OTOGL: variants seen among roughly 807,000 people sequenced by gnomAD.
OTOGL encodes the protein otogelin like, also known as otogelin-like protein.
OTOGL carries 285 observed loss-of-function variants against 318.5 expected under a neutral mutation model. The ratio of observed to expected loss-of-function variants is 0.89; its 90% confidence interval spans 0.81 to 0.99. OTOGL has a LOEUF of 0.99. OTOGL is among the 50% of genes least tolerant of loss of function. The probability of loss-of-function intolerance (pLI) is 0.00; values close to 1 mark genes in which losing one functional copy is unlikely to be tolerated. For synonymous variants in OTOGL, 987 were observed against 936.5 expected (o/e 1.05, Z -0.99); for missense variants, 2,899 against 2,845.6 (o/e 1.02, Z -0.43).
In OTOGL at chr12:80,358,867, CTG is replaced by C. The variant is rs1890073386; in HGVS notation, c.6237_6238del (p.Cys2079Ter). The C allele has an allele frequency of 2.0e-6, 3 of 1,517,384 alleles. No individual in the cohort carries two copies. Among genetic ancestry groups the C allele is most frequent in the Non-Finnish European group, 2.7e-6 (3 of 1,127,574 alleles). 94.0% of individuals were successfully genotyped at this position (1,517,384 alleles called of 1,614,324 possible). Reference protein sequence around the residue: ...CCPTWHCECNCENLIMPTCEV... With the variant: ...CCPTWHCECNXENLIMPTCEV... Reference sequence around the variant, plus strand: ...TTGATTTTTGCCTTTTAGAATGTAACTGTGAAAACCTTATTATGCCAACTTGT... The same window carrying C: ...TTGATTTTTGCCTTTTAGAATGTAACTGAAAACCTTATTATGCCAACTTGT... On this transcript the variant is annotated frameshift_variant, in exon 52 of 59. Transcript: ENST00000547103. LOFTEE classifies it high-confidence loss of function.
chr12:80,292,138 G>A (rs192762176), intron 26 of OTOGL, among the ~76,000 whole-genome samples: 12 of 152,056 alleles, frequency 7.9e-5, no homozygotes, highest in African/African-American at 2.4e-4. Context: ...ACAGGCATGC[G>A]CCACCACACC....
intron 1 of OTOGL, among the ~76,000 whole-genome samples, chr12:80,189,137 C>T (rs1875505463): frequency 6.6e-6 from 1 of 152,168 alleles, no homozygotes; most frequent in South Asian, 2.1e-4. Context: ...GTTAATGTAT[C>T]ATAAATAGAT....
At chr12:80,361,908 T>C (rs1007011882) in intron 52 of OTOGL, among the ~76,000 whole-genome samples, 41 of 152,194 alleles carry the variant, frequency 2.7e-4, no homozygotes, top group African/African-American at 9.6e-4. Context: ...AGTTTTCAAA[T>C]ATATTCTCTC....
intron 1 of OTOGL, among the ~76,000 whole-genome samples, chr12:80,159,159 T>A (rs1182135354): frequency 6.6e-6 from 1 of 152,048 alleles, no homozygotes; most frequent in East Asian, 1.9e-4. Context: ...TGTTAAACCA[T>A]CCCTGCAACC....
At chr12:80,347,140 C>CT (rs200979344) in intron 44 of OTOGL, among the ~76,000 whole-genome samples, 136 of 149,706 alleles carry the variant, frequency 9.1e-4, no homozygotes, top group South Asian at 8.7e-3. Context: ...TGACTTACAT[C>CT]TTTTTTTTTT....
intron 1 of OTOGL, among the ~76,000 whole-genome samples, chr12:80,149,942 C>G (rs991391230): frequency 2.6e-5 from 4 of 152,144 alleles, no homozygotes; most frequent in Non-Finnish European, 5.9e-5. Context: ...CACTGACCTG[C>G]GCCCACTGTC....
intron 1 of OTOGL, among the ~76,000 whole-genome samples, chr12:80,158,245 A>G (rs1417344899): frequency 1.3e-5 from 2 of 152,128 alleles, no homozygotes; most frequent in Non-Finnish European, 1.5e-5. Flanking sequence ...TAACATTTAT[A>G]TACCTTATTC....
chr12:80,173,897 G>A lies in OTOGL; in HGVS notation c.-19-35516G>A, dbSNP rs143187374. Among the ~76,000 whole-genome samples, 361 of 152,270 alleles carry A rather than the reference G, an allele frequency of 2.4e-3. 1 individual carries two copies. Among genetic ancestry groups the A allele is most frequent in the African/African-American group, 8.1e-3 (337 of 41,538 alleles). On this transcript the variant is annotated intron_variant, in intron 1 of 58. Coordinates refer to ENST00000547103, the MANE Select transcript of OTOGL (RefSeq NM_001378609.3). ...GTAAAGAGGAGCTCAGTCAGAAAGC[G>A]TCAGTATGCTGAGGGCCATTTATAA...
chr12:80,319,780 G>A (rs1887206164), intron 33 of OTOGL, among the ~76,000 whole-genome samples: 1 of 151,994 alleles, frequency 6.6e-6, no homozygotes, highest in Non-Finnish European at 1.5e-5. Context: ...ACAAATATAA[G>A]GTAAATGTTA....
chr12:80,124,536 T>C (rs376451781), intron 1 of OTOGL, among the ~76,000 whole-genome samples: 4 of 152,030 alleles, frequency 2.6e-5, no homozygotes, highest in East Asian at 1.9e-4. Context: ...TTTTTGGTTC[T>C]ATATGAACTT....
chr12:80,264,267 A>G (rs191603738), intron 19 of OTOGL, among the ~76,000 whole-genome samples: 12 of 152,272 alleles, frequency 7.9e-5, no homozygotes, highest in Admixed American at 7.8e-4. Context: ...TCTATAAAGA[A>G]TTATATCTGA....
intron 11 of OTOGL, among the ~76,000 whole-genome samples, chr12:80,249,859 G>C (rs186370093): frequency 6.6e-6 from 1 of 152,160 alleles, no homozygotes; most frequent in African/African-American, 2.4e-5. Flanking sequence ...GTGGGATATA[G>C]TCTCGTGGTG....
At position 80,279,090 on chromosome 12, in the gene OTOGL, AC is replaced by A. The variant is rs774341760; in HGVS notation, c.2853del (p.Tyr951Ter). The A allele has an allele frequency of 6.3e-7, 1 of 1,594,406 alleles. No homozygotes were observed. The highest frequency in any genetic ancestry group is 1.1e-5 in the South Asian group (1 of 90,916). ...YYPCPAVCTI[Y>X]GDRHYYSFDG... ...CCATGCCCAGCAGTGTGCACAATAT[AC>A]GGGGACCGACATTATTATTCTTTTG... is the stretch of plus-strand genomic sequence containing the variant. On this transcript the variant is annotated frameshift_variant, in exon 26 of 59. Coordinates refer to ENST00000547103, the MANE Select transcript of OTOGL (RefSeq NM_001378609.3). LOFTEE classifies it high-confidence loss of function.
chr12:80,119,133 C>T (rs1437603246), intron 1 of OTOGL, among the ~76,000 whole-genome samples: 1 of 152,118 alleles, frequency 6.6e-6, no homozygotes, highest in East Asian at 1.9e-4. Context: ...GACCTTTTGA[C>T]CCAGCTGACA....
chr12:80,189,327 T>C (rs912610022), intron 1 of OTOGL: 1 of 585,972 alleles, frequency 1.7e-6, no homozygotes, highest in South Asian at 7.6e-5. Flanking sequence ...TTTAACTTAA[T>C]GTTTATTTTC....
intron 1 of OTOGL, among the ~76,000 whole-genome samples, chr12:80,202,412 A>T (rs1339870248): frequency 6.6e-6 from 1 of 151,916 alleles, no homozygotes; most frequent in African/African-American, 2.4e-5. Context: ...CTGGGATTAC[A>T]GGCACTCGAC....
At chr12:80,179,121 A>G (rs1874739117) in intron 1 of OTOGL, among the ~76,000 whole-genome samples, 2 of 152,186 alleles carry the variant, frequency 1.3e-5, no homozygotes, top group Admixed American at 6.5e-5. Flanking sequence ...GCTGGGGTAA[A>G]GTGACATCTC....
intron 5 of OTOGL, 136 bp from the exon 6 acceptor site, chr12:80,219,678 C>G: frequency 3.0e-6 from 2 of 672,682 alleles, no homozygotes; most frequent in South Asian, 3.4e-5. Context: ...AGTTCTTTAG[C>G]TTAGCAAGGC....
chr12:80,221,632 C>CT (rs1438901085), intron 6 of OTOGL, among the ~76,000 whole-genome samples: 1 of 151,546 alleles, frequency 6.6e-6, no homozygotes, highest in East Asian at 1.9e-4. Context: ...GTAAATATGA[C>CT]TTTTTTTGGT....
Sources: gnomAD v4.1 joint callset for allele counts (sites outside exome capture counted in the v4.1 genomes callset) on GRCh38, gnomAD v4.1.1 for gene constraint, MANE v1.5 for transcripts, NCBI Gene and HGNC (gene_info 2026-07-23, HGNC 2026-07-21) for gene names.